Variants in LRRK2 observed in about 807,000 individuals in gnomAD.
LRRK2 encodes leucine rich repeat kinase 2, also known as leucine-rich repeat serine/threonine-protein kinase 2.
A neutral mutation model predicts 302.6 loss-of-function variants in LRRK2; 203 were observed. The observed-to-expected ratio is 0.67, with a 90% CI of 0.60 to 0.75. LRRK2 has a LOEUF of 0.75. Among genes scored for constraint, LRRK2 ranks in the 30% least tolerant of loss-of-function variants. The pLI is 0.00. For synonymous variants in LRRK2, 1,066 were observed against 1,031.9 expected (o/e 1.03, Z -0.63); for missense variants, 2,830 against 2,951.0 (o/e 0.96, Z 0.95).
At chr12:40,253,499 C>T (rs547595015) in intron 11 of LRRK2, among the ~76,000 whole-genome samples, 10 of 152,274 alleles carry the variant, frequency 6.6e-5, no homozygotes, top group African/African-American at 2.2e-4. Flanking sequence ...GATGCTCCCA[C>T]CTCAGCTTCC....
intron 3 of LRRK2, among the ~76,000 whole-genome samples, 161 bp from the exon 4 acceptor site, chr12:40,235,465 G>C (rs1941407564): frequency 6.6e-6 from 1 of 152,144 alleles, no homozygotes. Context: ...GACACAGCAA[G>C]ACCCTGTCTC....
chr12:40,233,185 C>G (rs575699042), intron 3 of LRRK2, among the ~76,000 whole-genome samples: 1 of 152,196 alleles, frequency 6.6e-6, no homozygotes, highest in South Asian at 2.1e-4. Flanking sequence ...CCACTGCACT[C>G]CAGCCTGGGT....
intron 18 of LRRK2, among the ~76,000 whole-genome samples, chr12:40,280,621 T>TTAAAA (rs57373855): frequency 0.18 from 23,104 of 131,608 alleles, 2,216 homozygotes; most frequent in Middle Eastern, 0.2. Flanking sequence ...CCAGACCCTG[T>TTAAAA]TAAAATAAAA....
At chr12:40,257,471 A>G in intron 12 of LRRK2, 94 bp downstream of exon 12, 2 of 1,461,980 alleles carry the variant, frequency 1.4e-6, no homozygotes, top group South Asian at 1.2e-5. Context: ...GAAAAGAAAA[A>G]GAAAAACATA....
Position 40,359,529 on chromosome 12 carries a change from C to G in LRRK2, c.7028+85C>G, listed in dbSNP as rs952495564. On this transcript the variant is annotated intron_variant, in intron 47 of 50. Transcript: ENST00000298910. Reference sequence around the variant, plus strand: ...ATCATTAATAATACTGTTGATAATTCATAAGGAAGATCTTTTAAAATGCAT... The same window carrying G: ...ATCATTAATAATACTGTTGATAATTGATAAGGAAGATCTTTTAAAATGCAT... 3 of 1,055,182 alleles carry G rather than the reference C, an allele frequency of 2.8e-6. No homozygotes were observed. In the African/African-American group the frequency reaches 4.9e-5, roughly 17 times the overall value. The allele number at this position is 1,055,182 out of a possible 1,614,324, so 65.4% of individuals were successfully genotyped here. A position where few individuals can be genotyped will look rare whatever the true frequency, so the allele number is the denominator to read the frequency against.
At chr12:40,294,428 T>G (rs80025844) in intron 21 of LRRK2, among the ~76,000 whole-genome samples, 3,106 of 152,134 alleles carry the variant, frequency 0.02, 110 homozygotes, top group African/African-American at 0.069. Flanking sequence ...ATATGAGGGT[T>G]GTTTTGTGTT....
chr12:40,311,548 C>G (rs938009898), intron 31 of LRRK2, among the ~76,000 whole-genome samples: 1 of 152,140 alleles, frequency 6.6e-6, no homozygotes, highest in Non-Finnish European at 1.5e-5. Flanking sequence ...TTGGCCTGGG[C>G]AGTCCCAGCA....
At chr12:40,289,783 T>C (rs1476904719) in intron 20 of LRRK2, among the ~76,000 whole-genome samples, 1 of 151,898 alleles carries the variant, frequency 6.6e-6, no homozygotes, top group Non-Finnish European at 1.5e-5. Context: ...ACATGAATTT[T>C]GTATCCTGTA....
At position 40,354,455 on chromosome 12, in the gene LRRK2, G is replaced by A; in HGVS notation, c.6733G>A (p.Val2245Ile). 1 of 1,614,116 alleles carries A rather than the reference G, an allele frequency of 6.2e-7. No homozygotes were observed. Among genetic ancestry groups the A allele is most frequent in the Non-Finnish European group, 8.5e-7 (1 of 1,180,004 alleles). The part of the protein sequence containing the change: ...RHTLEKMTDS[V>I]TCLYCNSFSK... ...TACCCTAGAAAAGATGACTGATTCT[G>A]TCACTTGTTTGTATTGCAATTCCTT... Residue 2245 changes from valine to isoleucine, a missense_variant, in exon 45 of 51, where the codon GTC (valine) becomes ATC (isoleucine). Physicochemically the swap from Val to Ile is conservative, Grantham distance 29. Around this residue, in one of 3 missense-constraint regions of LRRK2, gnomAD observed 456 missense variants for 456.3 expected, o/e 1.00. Coordinates refer to ENST00000298910, the MANE Select transcript of LRRK2 (RefSeq NM_198578.4).
At chr12:40,301,401 C>A (rs906413825) in intron 25 of LRRK2, among the ~76,000 whole-genome samples, 1 of 151,992 alleles carries the variant, frequency 6.6e-6, no homozygotes, top group Middle Eastern at 3.4e-3. Flanking sequence ...TCCAGCCTGG[C>A]GACAGAGCAA....
chr12:40,294,324 G>A (rs1440657085), intron 21 of LRRK2, among the ~76,000 whole-genome samples: 1 of 151,940 alleles, frequency 6.6e-6, no homozygotes, highest in Non-Finnish European at 1.5e-5. Flanking sequence ...GATAATTCTA[G>A]TTGAGGAAAT....
Position 40,232,311 on chromosome 12 carries a change from G to A in LRRK2, c.275G>A (p.Cys92Tyr). The A allele has an allele frequency of 6.2e-7, 1 of 1,614,090 alleles. No homozygotes were observed. The highest frequency in any genetic ancestry group is 2.2e-5 in the East Asian group (1 of 44,858). ...CTTCTGTGCAAATTAATAGAAGTCT[G>A]TCCAGGTACAATGCAAAGCTTAATG... Reference protein sequence around the residue: ...WSLLCKLIEVCPGTMQSLMGP... With the variant: ...WSLLCKLIEVYPGTMQSLMGP... Residue 92 changes from cysteine (C) to tyrosine (Y), a missense_variant, in exon 3 of 51, where the codon TGT becomes TAT. Physicochemically the swap from Cys to Tyr is radical, Grantham distance 194. This residue lies in a region of LRRK2 where 2,121 missense variants were observed against 2,148.0 expected (regional missense o/e 0.99). Transcript: ENST00000298910.
Position 40,230,037 on chromosome 12 carries a change from T to C in LRRK2, c.238-2237T>C, listed in dbSNP as rs182299655. 4.0e-3 allele frequency among the ~76,000 whole-genome samples: 601 copies of C among 151,056 alleles called. 4 individuals carry two copies. The highest frequency in any genetic ancestry group is 3.7e-3 in the Non-Finnish European group (248 of 67,808). On this transcript the variant is annotated intron_variant, in intron 2 of 50. Coordinates refer to ENST00000298910, the MANE Select transcript of LRRK2 (RefSeq NM_198578.4). ...TTCTTAAATAGTTCGGAAAAAAGTC[T>C]TGATGTATTCTATGAAAGCACAAAA...
At chr12:40,360,852 C>T (rs528605523) in intron 47 of LRRK2, among the ~76,000 whole-genome samples, 6 of 136,482 alleles carry the variant, frequency 4.4e-5, no homozygotes, top group Non-Finnish European at 8.0e-5. Context: ...TGGTCTTCTC[C>T]TTACCTGGAT....
intron 47 of LRRK2, among the ~76,000 whole-genome samples, chr12:40,362,053 C>T (rs1010957594): frequency 6.6e-6 from 1 of 152,012 alleles, no homozygotes; most frequent in East Asian, 1.9e-4. Context: ...CTATTAAAAA[C>T]ATTGAGATTT....
At chr12:40,239,308 C>T (rs898988687) in intron 5 of LRRK2, among the ~76,000 whole-genome samples, 5 of 152,100 alleles carry the variant, frequency 3.3e-5, no homozygotes, top group East Asian at 1.9e-4. Context: ...TAGTTTACAG[C>T]GAGTACGGAA....
intron 38 of LRRK2, among the ~76,000 whole-genome samples, chr12:40,327,113 C>G (rs940433781): frequency 6.6e-6 from 1 of 152,118 alleles, no homozygotes; most frequent in Non-Finnish European, 1.5e-5. Flanking sequence ...TATATGAGAA[C>G]CATAAATATT....
At position 40,323,130 on chromosome 12, in the gene LRRK2, T is replaced by G. The variant is rs192802723; in HGVS notation, c.5510-30T>G. ...TTATGTATCTCCTTAAATGTTGTTT[T>G]TATTTAAAAAATGTTTTATTACTTC... On this transcript the variant is annotated intron_variant, in intron 37 of 50. Transcript: ENST00000298910. The G allele has an allele frequency of 4.9e-5, 79 of 1,597,706 alleles. No homozygotes were observed. The Admixed American group carries it at 1.2e-3, about 24-fold the overall frequency.
chr12:40,346,557 A>G lies in LRRK2; in HGVS notation c.6110-196A>G, dbSNP rs539808818. 3.2e-4 allele frequency among the ~76,000 whole-genome samples: 49 copies of G among 152,274 alleles called. 1 individual carries two copies. The highest frequency in any genetic ancestry group is 6.3e-4 in the Non-Finnish European group (43 of 68,024). ...AGGATTTTATTGTCCTGTGTGGTCAACCTTGGGGGGTGAGATGTTATGAGA... is the reference window on the plus strand; with the variant it reads ...AGGATTTTATTGTCCTGTGTGGTCAGCCTTGGGGGGTGAGATGTTATGAGA... On this transcript the variant is annotated intron_variant, in intron 41 of 50. Coordinates refer to ENST00000298910, the MANE Select transcript of LRRK2 (RefSeq NM_198578.4).
Sources: allele counts gnomAD v4.1 joint callset (sites outside exome capture counted in the v4.1 genomes callset), GRCh38; gene constraint gnomAD v4.1.1; regional missense constraint gnomAD v4.1.1; transcripts MANE v1.5; gene names NCBI Gene and HGNC (gene_info 2026-07-23, HGNC 2026-07-21).